Variants in FGF12 observed in about 807,000 individuals in gnomAD.
The protein encoded by FGF12 is fibroblast growth factor 12B.
FGF12 carries 14 observed loss-of-function variants against 23.6 expected under a neutral mutation model. The observed-to-expected ratio is 0.59, with a 90% CI of 0.39 to 0.93. The LOEUF (loss-of-function observed/expected upper bound fraction) is 0.93. FGF12 is among the 40% of genes least tolerant of loss of function. The pLI is 0.00. For synonymous variants in FGF12, 62 were observed against 77.3 expected, an observed-to-expected ratio of 0.80 and a Z score of 1.04; for missense variants, 175 against 217.8, an observed-to-expected ratio of 0.80 and a Z score of 1.24.
chr3:192,152,208 T>A (rs1489663705), intron 5 of FGF12, among the ~76,000 whole-genome samples: 1 of 126,548 alleles, frequency 7.9e-6, no homozygotes, highest in Non-Finnish European at 1.7e-5. Flanking sequence ...TCTTCTTTTT[T>A]TCTTTATTAG....
intron 2 of FGF12, among the ~76,000 whole-genome samples, chr3:192,421,563 C>T (rs1246305706): frequency 6.6e-6 from 1 of 152,050 alleles, no homozygotes; most frequent in Non-Finnish European, 1.5e-5. Context: ...AGCAAACTAT[C>T]ACAAGAACAG....
chr3:192,634,602 G>A (rs966716272), intron 2 of FGF12, among the ~76,000 whole-genome samples: 1 of 151,960 alleles, frequency 6.6e-6, no homozygotes, highest in South Asian at 2.1e-4. Flanking sequence ...AGAAGAAACC[G>A]ACATCTGAGA....
intron 2 of FGF12, among the ~76,000 whole-genome samples, chr3:192,639,583 G>C (rs1427007968): frequency 2.0e-5 from 3 of 152,158 alleles, no homozygotes; most frequent in African/African-American, 7.2e-5. Flanking sequence ...ATAAGGAAAC[G>C]GTGGTATACA....
chr3:192,571,795 G>T (rs2108605879), intron 2 of FGF12, among the ~76,000 whole-genome samples: 1 of 152,268 alleles, frequency 6.6e-6, no homozygotes, highest in South Asian at 2.1e-4. Context: ...AACTTCCTCA[G>T]CAGCAGCCCC....
At chr3:192,266,331 A>T (rs969207903) in intron 4 of FGF12, among the ~76,000 whole-genome samples, 4 of 152,180 alleles carry the variant, frequency 2.6e-5, no homozygotes, top group Non-Finnish European at 4.4e-5. Flanking sequence ...AGGGCCTTAT[A>T]CACAGGGGAC....
chr3:192,510,034 G>A (rs574828963), intron 2 of FGF12, among the ~76,000 whole-genome samples: 9 of 152,238 alleles, frequency 5.9e-5, no homozygotes, highest in African/African-American at 1.9e-4. Context: ...CTTCATCACA[G>A]ATACTCAGGT....
chr3:192,370,158 T>C (rs1719161052), intron 2 of FGF12, among the ~76,000 whole-genome samples: 1 of 152,112 alleles, frequency 6.6e-6, no homozygotes, highest in Non-Finnish European at 1.5e-5. Context: ...CCAGGACACT[T>C]GAGGATCTTT....
chr3:192,543,141 G>C (rs1294280322), intron 2 of FGF12, among the ~76,000 whole-genome samples: 2 of 151,898 alleles, frequency 1.3e-5, no homozygotes, highest in Non-Finnish European at 2.9e-5. Flanking sequence ...TTTTTCAGAA[G>C]CCAGTCCCTT....
rs548978685 is a variant in FGF12, at chr3:192,664,333, A to C, written c.13+62848T>G. On this transcript the variant is annotated intron_variant, in intron 2 of 5. Coordinates refer to ENST00000445105, the MANE Select transcript of FGF12 (RefSeq NM_004113.6). ...TTTTAAATGAGCCACAGACATGCCAAATGAGTGAAACTCCTCCCCAGAGTT... is the reference window on the plus strand; with the variant it reads ...TTTTAAATGAGCCACAGACATGCCACATGAGTGAAACTCCTCCCCAGAGTT... Among the ~76,000 whole-genome samples the C allele has an allele frequency of 1.9e-3, 286 of 152,234 alleles. 4 individuals are homozygous for C. The highest frequency in any genetic ancestry group is 5.8e-3 in the Admixed American group (89 of 15,296).
At chr3:192,620,770 C>T (rs1257202517) in intron 2 of FGF12, among the ~76,000 whole-genome samples, 1 of 152,132 alleles carries the variant, frequency 6.6e-6, no homozygotes, top group Admixed American at 6.6e-5. Context: ...AACATCAATG[C>T]AGTGAGCTCT....
At chr3:192,676,372 T>C (rs900818265) in intron 2 of FGF12, among the ~76,000 whole-genome samples, 5 of 152,184 alleles carry the variant, frequency 3.3e-5, no homozygotes, top group African/African-American at 1.2e-4. Context: ...CCTCTCTTTA[T>C]GAAATGGAAA....
At chr3:192,272,141 C>T (rs192317825) in intron 4 of FGF12, among the ~76,000 whole-genome samples, 98 of 152,194 alleles carry the variant, frequency 6.4e-4, no homozygotes, top group Middle Eastern at 3.4e-3. Flanking sequence ...GCCCGAGTTC[C>T]TTGGAGTCAT....
At chr3:192,405,890 TCTAAG>T (rs541634940) in intron 2 of FGF12, among the ~76,000 whole-genome samples, 1 of 152,216 alleles carries the variant, frequency 6.6e-6, no homozygotes, top group Non-Finnish European at 1.5e-5. Flanking sequence ...TGCCCATTCT[TCTAAG>T]CTAAGCTTCA....
chr3:192,682,802 TG>T (rs1215586459), intron 2 of FGF12, among the ~76,000 whole-genome samples: 1 of 152,134 alleles, frequency 6.6e-6, no homozygotes, highest in Non-Finnish European at 1.5e-5. Flanking sequence ...CTTTGAGCCA[TG>T]GGTCAGAAGG....
At chr3:192,569,711 G>A (rs1243763706) in intron 2 of FGF12, among the ~76,000 whole-genome samples, 1 of 152,206 alleles carries the variant, frequency 6.6e-6, no homozygotes, top group Non-Finnish European at 1.5e-5. Flanking sequence ...CAACTGGTAA[G>A]TTGCAGAATG....
intron 2 of FGF12, among the ~76,000 whole-genome samples, chr3:192,632,570 T>C (rs1486979228): frequency 1.3e-5 from 2 of 152,144 alleles, no homozygotes; most frequent in East Asian, 3.9e-4. Context: ...TCAGTAATGG[T>C]TAGATATATT....
chr3:192,365,187 C>T (rs532603854), intron 2 of FGF12, among the ~76,000 whole-genome samples: 2 of 151,648 alleles, frequency 1.3e-5, no homozygotes, highest in African/African-American at 4.8e-5. Context: ...CATCATAGGC[C>T]CGTTTCGAAA....
chr3:192,187,578 C>T (rs991781177), intron 4 of FGF12, among the ~76,000 whole-genome samples: 3 of 152,128 alleles, frequency 2.0e-5, no homozygotes, highest in Admixed American at 6.5e-5. Context: ...GATTAATAAA[C>T]AGTTTTTGCA....
chr3:192,168,881 A>G (rs1715378202), intron 5 of FGF12, among the ~76,000 whole-genome samples: 1 of 152,260 alleles, frequency 6.6e-6, no homozygotes, highest in African/African-American at 2.4e-5. Flanking sequence ...TGCAATGACA[A>G]GCTGACCGAA....
Sources: gnomAD v4.1 joint callset for allele counts (sites outside exome capture counted in the v4.1 genomes callset) on GRCh38, gnomAD v4.1.1 for gene constraint, MANE v1.5 for transcripts, NCBI Gene and HGNC (gene_info 2026-07-23, HGNC 2026-07-21) for gene names.